Variants in ATP8B4 observed in about 807,000 individuals in gnomAD.
The protein encoded by ATP8B4 is ATPase phospholipid transporting 8B4 (putative).
Under a neutral mutation model 145.6 loss-of-function variants are expected in ATP8B4, and 133 were observed. The ratio of observed to expected loss-of-function variants is 0.91; its 90% CI spans 0.79 to 1.05. The LOEUF is 1.05. ATP8B4 is among the 50% of genes least tolerant of loss of function. The pLI, the probability that ATP8B4 is intolerant of heterozygous loss-of-function variation, is 0.00. For missense variants in ATP8B4, 1,458 were observed against 1,425.2 expected (o/e 1.02, Z -0.37); for synonymous variants, 507 against 492.9 (o/e 1.03, Z -0.38).
chr15:49,947,301 C>T (rs956875382), intron 14 of ATP8B4, among the ~76,000 whole-genome samples: 2 of 151,844 alleles, frequency 1.3e-5, no homozygotes, highest in Non-Finnish European at 2.9e-5. Context: ...CGTGGTGACA[C>T]GTGCCTGTAG....
chr15:49,861,211 G>C (rs998020986), intron 27 of ATP8B4, among the ~76,000 whole-genome samples: 2 of 152,040 alleles, frequency 1.3e-5, no homozygotes, highest in Admixed American at 1.3e-4. Flanking sequence ...AGAACATCAC[G>C]ATCAAACTTA....
chr15:49,907,487 T>G (rs1179754995), intron 20 of ATP8B4, among the ~76,000 whole-genome samples: 1 of 152,140 alleles, frequency 6.6e-6, no homozygotes, highest in Non-Finnish European at 1.5e-5. Context: ...GGGGAAATAG[T>G]TACAAAAGTA....
At chr15:50,078,999 T>TA (rs1355956144) in intron 2 of ATP8B4, among the ~76,000 whole-genome samples, 3 of 152,192 alleles carry the variant, frequency 2.0e-5, no homozygotes, top group Admixed American at 2.0e-4. Flanking sequence ...TGTACAACAG[T>TA]AAGACCTACT....
intron 6 of ATP8B4, among the ~76,000 whole-genome samples, chr15:50,038,263 T>C (rs2050991414): frequency 6.6e-6 from 1 of 152,196 alleles, no homozygotes; most frequent in Non-Finnish European, 1.5e-5. Context: ...CACAAATACT[T>C]TTTCTTCATT....
At chr15:50,072,991 T>C (rs1346645987) in intron 3 of ATP8B4, among the ~76,000 whole-genome samples, 9 of 25,112 alleles carry the variant, frequency 3.6e-4, no homozygotes, top group Non-Finnish European at 5.7e-4. Flanking sequence ...TATATATATA[T>C]ATATATATAT....
rs1320660260 is a variant in ATP8B4, at chr15:50,172,999, GTCCGGGAGGTGGGGGGCAGCCCCCA to G, written c.-43+9237_-43+9261del. Among the ~76,000 whole-genome samples the G allele has an allele frequency of 1.3e-3, 193 of 149,154 alleles. 3 individuals carry two copies. Among genetic ancestry groups the G allele is most frequent in the South Asian group, 9.2e-3 (43 of 4,692 alleles). Reference sequence around the variant, plus strand: ...CAGCCCCCGCCCGGCCAGCCGCCCCGTCCGGGAGGTGGGGGGCAGCCCCCATCCGGGAGGTGGGGGCAGCCTCCGC... The same window carrying G: ...CAGCCCCCGCCCGGCCAGCCGCCCCGTCCGGGAGGTGGGGGCAGCCTCCGC... On this transcript the variant is annotated intron_variant, in intron 1 of 3. Coordinates refer to the ATP8B4 transcript ENST00000558829.
intron 1 of ATP8B4, among the ~76,000 whole-genome samples, chr15:50,169,654 C>T (rs2140863090): frequency 6.6e-6 from 1 of 152,296 alleles, no homozygotes; most frequent in South Asian, 2.1e-4. Flanking sequence ...ACTAGTTCAC[C>T]AGCAATGAAT....
intron 16 of ATP8B4, 118 bp downstream of exon 16, chr15:49,930,997 TATAC>T: frequency 9.3e-7 from 1 of 1,074,980 alleles, no homozygotes; most frequent in Middle Eastern, 3.2e-4. Flanking sequence ...CACAAGAGTT[TATAC>T]ATAAAGTTTC....
intron 17 of ATP8B4, among the ~76,000 whole-genome samples, 182 bp from the exon 18 acceptor site, chr15:49,920,592 T>G (rs1257477762): frequency 6.6e-6 from 1 of 152,232 alleles, no homozygotes; most frequent in African/African-American, 2.4e-5. Context: ...GTGTGTGTTT[T>G]CCGTTTTATT....
chr15:50,131,217 A>G (rs1426792311), intron 1 of ATP8B4, among the ~76,000 whole-genome samples: 1 of 152,220 alleles, frequency 6.6e-6, no homozygotes, highest in Non-Finnish European at 1.5e-5. Context: ...ATTAAAAATG[A>G]GATTTGGATG....
intron 2 of ATP8B4, among the ~76,000 whole-genome samples, chr15:50,101,582 A>T (rs1318012348): frequency 6.6e-6 from 1 of 152,164 alleles, no homozygotes; most frequent in African/African-American, 2.4e-5. Context: ...TGAGCTCCCA[A>T]ATTTATAAAA....
intron 5 of ATP8B4, 53 bp downstream of exon 5, chr15:50,044,541 A>G: frequency 1.6e-6 from 2 of 1,261,898 alleles, no homozygotes; most frequent in Non-Finnish European, 2.3e-6. Flanking sequence ...TCTATTTCTG[A>G]GAAGCCACAA....
At chr15:49,906,668 G>C (rs1258915291) in intron 20 of ATP8B4, among the ~76,000 whole-genome samples, 1 of 152,146 alleles carries the variant, frequency 6.6e-6, no homozygotes, top group Non-Finnish European at 1.5e-5. Context: ...CAGCAATCTG[G>C]AATTTCACTA....
intron 1 of ATP8B4, among the ~76,000 whole-genome samples, chr15:50,109,118 A>G (rs936238678): frequency 1.3e-5 from 2 of 152,058 alleles, no homozygotes; most frequent in African/African-American, 4.8e-5. Flanking sequence ...ACACACCCTT[A>G]TCTTCAGCCT....
chr15:49,893,737 ATAGTTAGCAC>A (rs766929363), intron 23 of ATP8B4, among the ~76,000 whole-genome samples: 2 of 149,522 alleles, frequency 1.3e-5, no homozygotes, highest in Non-Finnish European at 3.0e-5. Flanking sequence ...CAATGTGTAC[ATAGTTAGCAC>A]TACCGAACTC....
At chr15:49,960,832 A>T (rs1436247534) in intron 14 of ATP8B4, among the ~76,000 whole-genome samples, 5 of 152,248 alleles carry the variant, frequency 3.3e-5, no homozygotes, top group African/African-American at 7.2e-5. Context: ...GAAAATGGGT[A>T]AAAAAATTAT....
chr15:49,931,427 C>G, intron 15 of ATP8B4, 120 bp from the exon 16 acceptor site: 2 of 965,020 alleles, frequency 2.1e-6, no homozygotes, highest in Admixed American at 2.7e-5. Flanking sequence ...AAAAATCTTT[C>G]CTGTCCTCAG....
chr15:49,975,039 C>A (rs1252897218), intron 12 of ATP8B4, among the ~76,000 whole-genome samples: 1 of 152,106 alleles, frequency 6.6e-6, no homozygotes, highest in African/African-American at 2.4e-5. Context: ...TATAATCACC[C>A]ATTTATTTTT....
intron 1 of ATP8B4, among the ~76,000 whole-genome samples, chr15:50,156,092 A>ATTTGCTGGTTTGATTT (rs2044410345): frequency 7.0e-5 from 1 of 14,304 alleles, no homozygotes; most frequent in African/African-American, 2.6e-4. Flanking sequence ...ATATATATAT[A>ATTTGCTGGTTTGATTT]AATATATATA....
Sources: gnomAD v4.1 joint callset for allele counts (sites outside exome capture counted in the v4.1 genomes callset) on GRCh38, gnomAD v4.1.1 for gene constraint, MANE v1.5 for transcripts, NCBI Gene and HGNC (gene_info 2026-07-23, HGNC 2026-07-21) for gene names.